PEX14: variants seen among roughly 807,000 people sequenced by gnomAD.
PEX14 encodes the protein peroxisomal membrane protein PEX14.
Under a neutral mutation model 49.5 loss-of-function variants are expected in PEX14, and 15 were observed. The observed-to-expected ratio is 0.30, with a 90% CI of 0.20 to 0.47. The LOEUF (loss-of-function observed/expected upper bound fraction) is 0.47. PEX14 is among the 20% of genes least tolerant of loss of function. PEX14 has a pLI of 1.00. For synonymous variants in PEX14, 210 were observed against 212.7 expected (o/e 0.99, Z 0.11); for missense variants, 398 against 494.8 (o/e 0.80, Z 1.86).
intron 3 of PEX14, among the ~76,000 whole-genome samples, chr1:10,559,987 T>C (rs1454236070): frequency 6.6e-6 from 1 of 152,172 alleles, no homozygotes. Context: ...CTTTGGGTAG[T>C]TCCCATTGCT....
At chr1:10,560,112 C>T (rs1353627172) in intron 3 of PEX14, among the ~76,000 whole-genome samples, 1 of 151,756 alleles carries the variant, frequency 6.6e-6, no homozygotes, top group East Asian at 1.9e-4. Context: ...GGCTGGAATG[C>T]AATGGCACGA....
chr1:10,625,003 G>A (rs2124642279), intron 7 of PEX14, among the ~76,000 whole-genome samples: 1 of 152,276 alleles, frequency 6.6e-6, no homozygotes, highest in Admixed American at 6.5e-5. Flanking sequence ...AAGAAATCTT[G>A]GCGTGGCAGC....
intron 2 of PEX14, among the ~76,000 whole-genome samples, chr1:10,497,431 T>G (rs769567481): frequency 2.6e-5 from 4 of 152,214 alleles, no homozygotes; most frequent in Non-Finnish European, 2.9e-5. Flanking sequence ...TGCTGTCTCC[T>G]GCATGCTCAG....
chr1:10,561,713 A>C (rs144121764), intron 3 of PEX14, among the ~76,000 whole-genome samples: 56 of 152,316 alleles, frequency 3.7e-4, no homozygotes, highest in African/African-American at 1.3e-3. Context: ...CCTTTCATTC[A>C]GTGGTTTTAG....
chr1:10,610,270 T>C (rs1045944026), intron 4 of PEX14, among the ~76,000 whole-genome samples: 1 of 148,096 alleles, frequency 6.8e-6, no homozygotes, highest in African/African-American at 2.5e-5. Flanking sequence ...ATAGTGTTAG[T>C]TTTTTGGAGA....
intron 1 of PEX14, among the ~76,000 whole-genome samples, chr1:10,479,608 G>T (rs1009144302): frequency 6.6e-6 from 1 of 152,158 alleles, no homozygotes; most frequent in African/African-American, 2.4e-5. Context: ...ACTGAGTATC[G>T]AGTATTATTG....
chr1:10,554,176 C>T (rs35612158), intron 3 of PEX14, among the ~76,000 whole-genome samples: 34,971 of 148,784 alleles, frequency 0.24, 4,562 homozygotes, highest in African/African-American at 0.33. Context: ...TGGTGGTGGG[C>T]ACCTGCAGTC....
At chr1:10,618,218 A>G (rs1056035955) in intron 4 of PEX14, 114 bp from the exon 5 acceptor site, 5 of 760,732 alleles carry the variant, frequency 6.6e-6, no homozygotes, top group African/African-American at 3.4e-5. Flanking sequence ...GGAGTGTTCC[A>G]CTTGCCCATT....
At chr1:10,593,723 G>GC (rs1640740347) in intron 3 of PEX14, among the ~76,000 whole-genome samples, 4 of 152,142 alleles carry the variant, frequency 2.6e-5, no homozygotes, top group Middle Eastern at 3.4e-3. Flanking sequence ...GGTGGGGGAG[G>GC]CCCCATAAAC....
intron 2 of PEX14, among the ~76,000 whole-genome samples, chr1:10,526,283 G>A (rs1557827386): frequency 2.7e-5 from 4 of 150,378 alleles, no homozygotes; most frequent in Admixed American, 2.0e-4. Context: ...GTGCAGTGGC[G>A]TGATAGCTCG....
intron 2 of PEX14, among the ~76,000 whole-genome samples, chr1:10,522,134 G>A (rs1638318887): frequency 6.6e-6 from 1 of 152,218 alleles, no homozygotes; most frequent in South Asian, 2.1e-4. Context: ...TCCCAGAAAG[G>A]GCAAGGCTGC....
At chr1:10,588,437 T>TA (rs142658523) in intron 3 of PEX14, among the ~76,000 whole-genome samples, 1,699 of 152,274 alleles carry the variant, frequency 0.011, 25 homozygotes, top group African/African-American at 0.038. Flanking sequence ...TTTTTCACGA[T>TA]AAAGTGGACC....
At chr1:10,557,998 T>C (rs11121586) in intron 3 of PEX14, among the ~76,000 whole-genome samples, 147,980 of 152,272 alleles carry the variant, frequency 0.97, 72,042 homozygotes, top group East Asian at 1. Flanking sequence ...TGACATGTCA[T>C]CTTTTTCATC....
chr1:10,524,081 A>G (rs1207556197), intron 2 of PEX14, among the ~76,000 whole-genome samples: 2 of 152,150 alleles, frequency 1.3e-5, no homozygotes, highest in Non-Finnish European at 2.9e-5. Context: ...TCAGATTCCC[A>G]CAGATAAATG....
In PEX14 at chr1:10,504,717, TTTTCCTTTCC is replaced by T. The variant is rs141752784; in HGVS notation, c.84+9411_84+9420del. 1.2e-4 allele frequency among the ~76,000 whole-genome samples: 18 copies of T among 151,704 alleles called. No individual in the cohort carries two copies. The East Asian group carries it at 2.1e-3, about 18-fold the overall frequency. ...ACACAAGTTGATTGATTCCTTTTCCTTTTCCTTTCCTTTCCTTTCCTTTCTTTATTTTCTT... is the reference window on the plus strand; with the variant it reads ...ACACAAGTTGATTGATTCCTTTTCCTTTTCCTTTCCTTTCTTTATTTTCTT... On this transcript the variant is annotated intron_variant, in intron 2 of 8. Transcript: ENST00000356607.
chr1:10,558,184 T>A (rs573231993), intron 3 of PEX14, among the ~76,000 whole-genome samples: 1 of 152,220 alleles, frequency 6.6e-6, no homozygotes, highest in South Asian at 2.1e-4. Context: ...AATTTTGTAT[T>A]TTTAATAGAG....
At chr1:10,587,748 T>C (rs1256951151) in intron 3 of PEX14, among the ~76,000 whole-genome samples, 1 of 152,004 alleles carries the variant, frequency 6.6e-6, no homozygotes, top group Non-Finnish European at 1.5e-5. Flanking sequence ...CATATAGCCA[T>C]TAAATAGAAT....
At chr1:10,577,410 C>A (rs76357193) in intron 3 of PEX14, among the ~76,000 whole-genome samples, 50 of 99,344 alleles carry the variant, frequency 5.0e-4, no homozygotes, top group Middle Eastern at 6.9e-3. Flanking sequence ...AAAAAAAAAC[C>A]AAAAAAAAAA....
rs368244738 is a variant in PEX14, at chr1:10,629,820, A to G, written c.967A>G (p.Lys323Glu). 1 of 1,595,366 alleles carries G rather than the reference A, an allele frequency of 6.3e-7. No homozygotes were observed. The highest frequency in any genetic ancestry group is 8.6e-7 in the Non-Finnish European group (1 of 1,166,028). ...AGGCGAGGAGGAGAAGAGGGAGGAC[A>G]AGGAGGACGAGGAGGATGAGGAGGA... ...VQGEEEKREDKEDEEDEEDDD... is the reference protein window; with the variant it reads ...VQGEEEKREDEEDEEDEEDDD... Residue 323 changes from lysine (K) to glutamate (E), a missense_variant, in exon 9 of 9, where the codon AAG (lysine) becomes GAG (glutamate). By Grantham distance (56) the Lys-to-Glu change is moderately conservative. Around this residue, in one of 3 missense-constraint regions of PEX14, gnomAD observed 140 missense variants for 155.5 expected, o/e 0.90. Coordinates refer to ENST00000356607, the MANE Select transcript of PEX14 (RefSeq NM_004565.3). The surrounding 1 kb of genome is among the most constrained non-coding windows in gnomAD (Gnocchi z 8.5).
Sources: gnomAD v4.1 joint callset for allele counts (sites outside exome capture counted in the v4.1 genomes callset) on GRCh38, gnomAD v4.1.1 for gene constraint, gnomAD v4.1.1 regional missense constraint, Gnocchi (gnomAD v3.1) non-coding constraint, MANE v1.5 for transcripts, NCBI Gene and HGNC (gene_info 2026-07-23, HGNC 2026-07-21) for gene names.